The following NSUN6 variants were observed in gnomAD, a reference collection of about 807,000 sequenced individuals.
The protein encoded by NSUN6 is NOP2/Sun RNA methyltransferase 6, also known as tRNA (cytosine(72)-C(5))-methyltransferase NSUN6.
In NSUN6, 64 loss-of-function variants were observed where a neutral mutation model predicts 58.0. The observed-to-expected ratio is 1.10, with a 90% CI of 0.90 to 1.36. The LOEUF is 1.36. Among genes scored for constraint, NSUN6 ranks in the 40% most tolerant of loss-of-function variants. The pLI is 0.00. For synonymous variants in NSUN6, 231 were observed against 193.9 expected (o/e 1.19, Z -1.59); for missense variants, 701 against 550.1 (o/e 1.27, Z -2.74).
rs146980789 is a variant in NSUN6, at chr10:18,624,228, G to A, written c.312-7935C>T. Among the ~76,000 whole-genome samples, 86 of 151,886 alleles carry A rather than the reference G, an allele frequency of 5.7e-4. 1 individual carries two copies. The East Asian group carries it at 0.015, about 27-fold the overall frequency. Reference sequence around the variant, plus strand: ...AAAACTTCTGAATAAGGATTTACAAGCAGAAAGAGGTAATACATCCCTATG... The same window carrying A: ...AAAACTTCTGAATAAGGATTTACAAACAGAAAGAGGTAATACATCCCTATG... On this transcript the variant is annotated intron_variant, in intron 3 of 10. Coordinates refer to ENST00000377304, the MANE Select transcript of NSUN6 (RefSeq NM_182543.5).
rs753425023 is a variant in NSUN6, at chr10:18,586,110, C to A, written c.778-17G>T. 20 of 1,493,590 alleles carry A rather than the reference C, an allele frequency of 1.3e-5. No individual in the cohort carries two copies. Among genetic ancestry groups the A allele is most frequent in the Admixed American group, 2.4e-5 (1 of 42,458 alleles). 92.5% of individuals were successfully genotyped at this position (1,493,590 alleles called of 1,614,324 possible). On this transcript the variant is annotated splice_polypyrimidine_tract_variant and intron_variant, in intron 7 of 10. Coordinates refer to ENST00000377304, the MANE Select transcript of NSUN6 (RefSeq NM_182543.5). Reference sequence around the variant, plus strand: ...AACTTCTCCCTAAAAAGAAACAAAACACACACATGCAGAAAAAAAAAAAGA... The same window carrying A: ...AACTTCTCCCTAAAAAGAAACAAAAAACACACATGCAGAAAAAAAAAAAGA...
chr10:18,591,846 T>C (rs576141630), intron 7 of NSUN6, among the ~76,000 whole-genome samples: 31 of 152,132 alleles, frequency 2.0e-4, no homozygotes, highest in South Asian at 6.2e-4. Flanking sequence ...CTATTCAACA[T>C]AGTATTGGAA....
chr10:18,597,809 C>A (rs11816097), intron 6 of NSUN6, among the ~76,000 whole-genome samples: 1 of 152,232 alleles, frequency 6.6e-6, no homozygotes, highest in African/African-American at 2.4e-5. Flanking sequence ...TACAAAAAAA[C>A]TGTGAGATGG....
At chr10:18,593,014 GA>G (rs915706414) in intron 7 of NSUN6, among the ~76,000 whole-genome samples, 10 of 150,756 alleles carry the variant, frequency 6.6e-5, no homozygotes, top group South Asian at 2.1e-4. Flanking sequence ...AAATTTACAA[GA>G]AAAAAAAATC....
At chr10:18,658,671 C>T, upstream of NSUN6, 1 of 983,308 alleles carries the variant, frequency 1.0e-6, no homozygotes, top group South Asian at 4.7e-5. Flanking sequence ...TCCAGGCCTT[C>T]CATGGCTCGT....
chr10:18,600,941 A>AAATATATATATATATATAT (rs1487679670), intron 6 of NSUN6, among the ~76,000 whole-genome samples: 3 of 43,540 alleles, frequency 6.9e-5, no homozygotes, highest in East Asian at 2.4e-3. Flanking sequence ...AAAAAAAAAA[A>AAATATATATATATATATAT]ATATATATAT....
chr10:18,548,875 T>C (rs2054442470), intron 9 of NSUN6, among the ~76,000 whole-genome samples: 1 of 152,342 alleles, frequency 6.6e-6, no homozygotes, highest in South Asian at 2.1e-4. Context: ...CCTTTATGCC[T>C]CTTTTTCTGA....
chr10:18,582,356 A>G (rs2056942061), intron 8 of NSUN6, among the ~76,000 whole-genome samples: 1 of 152,176 alleles, frequency 6.6e-6, no homozygotes, highest in Non-Finnish European at 1.5e-5. Flanking sequence ...GTAACAAACT[A>G]ACTTTATTTT....
chr10:18,620,308 C>T (rs535605029), intron 3 of NSUN6, among the ~76,000 whole-genome samples: 6 of 152,134 alleles, frequency 3.9e-5, no homozygotes, highest in African/African-American at 7.2e-5. Context: ...AGGATAGTCT[C>T]GATCTCCTGA....
rs183521214 is a variant in NSUN6, at chr10:18,593,811, A to G, written c.777+2397T>C. ...GATAGGTACAGCTAACCATCATGGC[A>G]CATGTATACCTATGTAACAAACCTG... On this transcript the variant is annotated intron_variant, in intron 7 of 10. Coordinates refer to ENST00000377304, the MANE Select transcript of NSUN6 (RefSeq NM_182543.5). 3.3e-5 allele frequency among the ~76,000 whole-genome samples: 5 copies of G among 152,026 alleles called. No homozygotes were observed. The East Asian group carries it at 7.8e-4, about 24-fold the overall frequency.
intron 2 of NSUN6, among the ~76,000 whole-genome samples, chr10:18,643,467 C>T (rs2059448159): frequency 6.6e-6 from 1 of 152,116 alleles, no homozygotes; most frequent in Admixed American, 6.6e-5. Context: ...AGGATTCATA[C>T]ACTATCTACA....
intron 2 of NSUN6, among the ~76,000 whole-genome samples, chr10:18,647,021 GATTA>G (rs905288001): frequency 6.6e-6 from 1 of 152,026 alleles, no homozygotes; most frequent in African/African-American, 2.4e-5. Flanking sequence ...ATAAAAATCA[GATTA>G]ATTTTTAAAA....
rs1199847188 is a variant in NSUN6, at chr10:18,563,216, TGGAATGGAGAATGGTATG to T, written c.923-11263_923-11246del. 8.2e-4 allele frequency among the ~76,000 whole-genome samples: 118 copies of T among 143,150 alleles called. 2 individuals carry two copies. The highest frequency in any genetic ancestry group is 3.0e-3 in the African/African-American group (111 of 37,328). 93.9% of individuals were successfully genotyped at this position (143,150 alleles called of 152,430 possible). The stretch of plus-strand genomic sequence containing the variant: ...GAATGGAATGGAGAATGGTATGGAA[TGGAATGGAGAATGGTATG>T]GAATGGAAGGCAATGAAATGGAGAA... On this transcript the variant is annotated intron_variant, in intron 8 of 10. Transcript: ENST00000377304.
chr10:18,569,454 C>A (rs943345506), intron 8 of NSUN6, among the ~76,000 whole-genome samples: 4 of 149,556 alleles, frequency 2.7e-5, no homozygotes, highest in African/African-American at 9.8e-5. Context: ...TCCTTACCAA[C>A]CTCCATTCCA....
chr10:18,637,627 A>G (rs1251386171), intron 3 of NSUN6, among the ~76,000 whole-genome samples: 1 of 152,240 alleles, frequency 6.6e-6, no homozygotes, highest in Non-Finnish European at 1.5e-5. Context: ...ATTCTGTGTC[A>G]TATCAGTTTG....
intron 3 of NSUN6, among the ~76,000 whole-genome samples, chr10:18,639,367 G>A (rs1031609898): frequency 6.6e-6 from 1 of 152,006 alleles, no homozygotes; most frequent in African/African-American, 2.4e-5. Context: ...GGTGGCATGC[G>A]CCTGTAGCCC....
At chr10:18,587,843 G>A (rs573985349) in intron 7 of NSUN6, among the ~76,000 whole-genome samples, 5 of 152,008 alleles carry the variant, frequency 3.3e-5, no homozygotes, top group Non-Finnish European at 7.4e-5. Context: ...GCACAAAACT[G>A]GGCGGCCATT....
rs144069647 is a variant in NSUN6, at chr10:18,578,635, G to A, written c.922+7314C>T. Among the ~76,000 whole-genome samples the A allele has an allele frequency of 1.1e-3, 167 of 152,070 alleles. 1 individual carries two copies. In the East Asian group the frequency reaches 0.027, roughly 25 times the overall value. The stretch of plus-strand genomic sequence containing the variant: ...CTGTTGGTTTATATTCTCTCTCTCC[G>A]GCATAAATTTGTACTAAATTCTCTC... On this transcript the variant is annotated intron_variant, in intron 8 of 10. Coordinates refer to ENST00000377304, the MANE Select transcript of NSUN6 (RefSeq NM_182543.5).
At chr10:18,586,688 T>C (rs985478386) in intron 7 of NSUN6, among the ~76,000 whole-genome samples, 2 of 152,224 alleles carry the variant, frequency 1.3e-5, no homozygotes, top group Non-Finnish European at 2.9e-5. Flanking sequence ...ACAAAGGTAG[T>C]GCAGACCCAA....
Sources: allele counts gnomAD v4.1 joint callset (sites outside exome capture counted in the v4.1 genomes callset), GRCh38; gene constraint gnomAD v4.1.1; transcripts MANE v1.5; gene names NCBI Gene and HGNC (gene_info 2026-07-23, HGNC 2026-07-21).